RUVBL1: variants seen among roughly 807,000 people sequenced by gnomAD.
RUVBL1 encodes RuvB like AAA ATPase 1, also known as ruvB-like 1.
RUVBL1 carries 4 observed loss-of-function variants against 52.4 expected under a neutral mutation model. That is an observed-to-expected ratio of 0.08 (90% CI 0.04 to 0.17). The LOEUF (loss-of-function observed/expected upper bound fraction) is 0.17, where lower values mean the gene tolerates loss of function less well. RUVBL1 is among the 10% of genes least tolerant of loss of function. The pLI, the probability that RUVBL1 is intolerant of heterozygous loss-of-function variation, is 1.00. For missense variants in RUVBL1, 298 were observed against 572.8 expected (o/e 0.52, Z 4.90); for synonymous variants, 217 against 214.4 (o/e 1.01, Z -0.10).
chr3:128,103,155 C>T (rs1943142562), intron 4 of RUVBL1, among the ~76,000 whole-genome samples: 1 of 152,238 alleles, frequency 6.6e-6, no homozygotes, highest in African/African-American at 2.4e-5. Flanking sequence ...ATCTTCTCCT[C>T]TACATTATTT....
At chr3:128,139,788 T>G (rs1943992802) in intron 1 of RUVBL1, among the ~76,000 whole-genome samples, 1 of 152,148 alleles carries the variant, frequency 6.6e-6, no homozygotes, top group Non-Finnish European at 1.5e-5. Context: ...ACAAATTTTG[T>G]ATGTTCTCAC....
chr3:128,131,789 T>C (rs958280592), intron 1 of RUVBL1, among the ~76,000 whole-genome samples: 1 of 152,084 alleles, frequency 6.6e-6, no homozygotes, highest in Non-Finnish European at 1.5e-5. Flanking sequence ...ACTTTCATGA[T>C]CCAAAAAACA....
At chr3:128,102,959 G>C (rs952488064) in intron 4 of RUVBL1, among the ~76,000 whole-genome samples, 2 of 152,204 alleles carry the variant, frequency 1.3e-5, no homozygotes, top group African/African-American at 4.8e-5. Flanking sequence ...AAGGACAAAA[G>C]TGGGTGAGGC....
At chr3:128,073,350 C>T (rs376640966) in intron 9 of RUVBL1, among the ~76,000 whole-genome samples, 1 of 152,170 alleles carries the variant, frequency 6.6e-6, no homozygotes, top group Non-Finnish European at 1.5e-5. Context: ...CCCCATACCC[C>T]GCCCCCAGCC....
chr3:128,123,831 C>A, upstream of RUVBL1: 1 of 1,384,756 alleles, frequency 7.2e-7, no homozygotes, highest in Non-Finnish European at 9.4e-7. Flanking sequence ...TTGCAAAGGC[C>A]CGCCTAGACC....
intron 2 of RUVBL1, among the ~76,000 whole-genome samples, chr3:128,113,439 A>G (rs750594650): frequency 9.2e-5 from 14 of 152,212 alleles, no homozygotes; most frequent in South Asian, 2.1e-4. Flanking sequence ...TCATGTTATC[A>G]TAATTAGAAG....
Position 128,153,017 on chromosome 3 carries a change from C to G in RUVBL1, c.-40+186G>C, listed in dbSNP as rs867851673. ...CGCCCCCCCCGCCCCCCTTCGCCCC[C>G]CCATGTTCCGTTTTTGTCCTATCAG... On this transcript the variant is annotated intron_variant, in intron 1 of 9. Coordinates refer to the RUVBL1 transcript ENST00000464873. 1.9e-3 allele frequency among the ~76,000 whole-genome samples: 178 copies of G among 95,492 alleles called. 5 individuals carry two copies. The highest frequency in any genetic ancestry group is 6.1e-3 in the African/African-American group (143 of 23,458). 62.6% of individuals were successfully genotyped at this position (95,492 alleles called of 152,430 possible).
chr3:128,081,886 A>C lies in RUVBL1; in HGVS notation c.1212-477T>G, dbSNP rs1482432822. 1.2e-5 allele frequency: 2 copies of C among 164,558 alleles called. No individual in the cohort carries two copies. Among genetic ancestry groups the C allele is most frequent in the Non-Finnish European group, 2.7e-5 (2 of 74,258 alleles). The allele number at this position is 164,558 out of a possible 1,614,324, so 10.2% of individuals were successfully genotyped here. On this transcript the variant is annotated intron_variant, in intron 10 of 10. Transcript: ENST00000322623. The surrounding 1 kb of genome is among the most constrained non-coding windows in gnomAD (Gnocchi z 4.8). ...ATTTCTGCCTTCAACCTCAGGAGCA[A>C]GAACTGACTCAAGGGATGTAGGGAA...
intron 1 of RUVBL1, chr3:128,142,039 TAG>T (rs1343529638): frequency 1.3e-5 from 2 of 152,292 alleles, no homozygotes; most frequent in Admixed American, 1.3e-4. Context: ...CTTTGGAGCC[TAG>T]AGACGGGAAA....
At chr3:128,142,786 T>A (rs1944045537) in intron 1 of RUVBL1, among the ~76,000 whole-genome samples, 1 of 152,088 alleles carries the variant, frequency 6.6e-6, no homozygotes, top group African/African-American at 2.4e-5. Flanking sequence ...GCCTCTCTCC[T>A]TTTTTTGTTT....
In RUVBL1 at chr3:128,064,914, T is replaced by A. The variant is rs1214247056; in HGVS notation, c.*298A>T. The A allele has an allele frequency of 1.9e-6, 3 of 1,612,952 alleles. No individual in the cohort carries two copies. The highest frequency in any genetic ancestry group is 2.5e-6 in the Non-Finnish European group (3 of 1,179,414). On this transcript the variant is annotated 3_prime_UTR_variant, in exon 10 of 10. Transcript: ENST00000464873. Reference sequence around the variant, plus strand: ...AAGGTGCTATCATCGCACTTTTCCATCTGCTGGCCACACGCACAGACAAGG... The same window carrying A: ...AAGGTGCTATCATCGCACTTTTCCAACTGCTGGCCACACGCACAGACAAGG...
chr3:128,137,604 C>T (rs1030829643), intron 1 of RUVBL1, among the ~76,000 whole-genome samples: 4 of 152,094 alleles, frequency 2.6e-5, no homozygotes, highest in Non-Finnish European at 4.4e-5. Context: ...TGAATTTTAC[C>T]AAACATTTAA....
intron 3 of RUVBL1, among the ~76,000 whole-genome samples, chr3:128,110,579 C>T (rs1943362510): frequency 6.6e-6 from 1 of 152,222 alleles, no homozygotes; most frequent in South Asian, 2.1e-4. Context: ...CAAATCGTGG[C>T]ACTGAGGAAG....
chr3:128,119,220 T>A (rs1200136401), intron 2 of RUVBL1, 108 bp downstream of exon 2: 6 of 711,502 alleles, frequency 8.4e-6, no homozygotes, highest in Non-Finnish European at 1.4e-5. Context: ...AAAACATACA[T>A]ATAACCCATT....
exon 1 of RUVBL1, chr3:128,153,701 G>A (rs763092386): frequency 1.1e-5 from 18 of 1,588,348 alleles, no homozygotes; most frequent in Admixed American, 1.7e-5. Flanking sequence ...GCGCGCCTGC[G>A]GTCGTCTTTG....
chr3:128,098,580 G>C (rs777041690), intron 7 of RUVBL1, among the ~76,000 whole-genome samples: 2 of 152,184 alleles, frequency 1.3e-5, no homozygotes, highest in Admixed American at 6.5e-5. Flanking sequence ...GGAGGGGGCT[G>C]ACAGCCCCAA....
intron 2 of RUVBL1, among the ~76,000 whole-genome samples, chr3:128,115,882 T>G (rs1015778225): frequency 6.6e-6 from 1 of 152,028 alleles, no homozygotes; most frequent in Non-Finnish European, 1.5e-5. Context: ...TCCCAGCACT[T>G]TGGGAGGCCG....
At chr3:128,142,135 G>A (rs928821848) in intron 1 of RUVBL1, among the ~76,000 whole-genome samples, 9 of 152,188 alleles carry the variant, frequency 5.9e-5, no homozygotes, top group Admixed American at 1.3e-4. Context: ...CAGTGTTTCC[G>A]TTTCAGCAGG....
intron 9 of RUVBL1, chr3:128,083,523 A>C (rs1347931547): frequency 6.6e-6 from 1 of 152,286 alleles, no homozygotes; most frequent in Admixed American, 6.5e-5. Flanking sequence ...CCCTGCGGGC[A>C]GGAGCTGCAG....
Sources: gnomAD v4.1 joint callset for allele counts (sites outside exome capture counted in the v4.1 genomes callset) on GRCh38, gnomAD v4.1.1 for gene constraint, Gnocchi (gnomAD v3.1) non-coding constraint, MANE v1.5 for transcripts, NCBI Gene and HGNC (gene_info 2026-07-23, HGNC 2026-07-21) for gene names.